The following KIR2DL4 variants were observed in gnomAD, a reference collection of about 807,000 sequenced individuals.
The protein encoded by KIR2DL4 is killer cell immunoglobulin like receptor, two Ig domains and long cytoplasmic tail 4.
KIR2DL4 carries 41 observed loss-of-function variants against 31.0 expected under a neutral mutation model. The observed-to-expected ratio is 1.32, with a 90% CI of 1.03 to 1.72. The LOEUF (loss-of-function observed/expected upper bound fraction) is 1.72. KIR2DL4 is among the 40% of genes most tolerant of loss of function. The pLI is 0.00. For synonymous variants in KIR2DL4, 164 were observed against 133.6 expected (o/e 1.23, Z -1.57); for missense variants, 438 against 353.7 (o/e 1.24, Z -1.91).
intron 5 of KIR2DL4, among the ~76,000 whole-genome samples, chr19:54,809,454 G>A (rs1393934505): frequency 6.6e-6 from 1 of 150,944 alleles, no homozygotes; most frequent in African/African-American, 2.5e-5. Context: ...CAAGCTTCGT[G>A]GATGGAAACC....
Position 54,810,308 on chromosome 19 carries a change from A to T in KIR2DL4, c.706+1425A>T, listed in dbSNP as rs1340699582. On this transcript the variant is annotated intron_variant, in intron 5 of 7. Transcript: ENST00000359085. Reference sequence around the variant, plus strand: ...TAATTTTTTTTTGGTATTTTTTTTTAGTACAGACAAGGTTTTACCATGTTG... The same window carrying T: ...TAATTTTTTTTTGGTATTTTTTTTTTGTACAGACAAGGTTTTACCATGTTG... Among the ~76,000 whole-genome samples, 37 of 145,502 alleles carry T rather than the reference A, an allele frequency of 2.5e-4. 1 individual carries two copies. Among genetic ancestry groups the T allele is most frequent in the African/African-American group, 8.8e-4 (35 of 39,704 alleles).
rs766098475 is a variant in KIR2DL4, at chr19:54,806,446, T to G, written c.655+202T>G. 2.4e-3 allele frequency among the ~76,000 whole-genome samples: 367 copies of G among 151,098 alleles called. 6 individuals are homozygous for G. The highest frequency in any genetic ancestry group is 3.8e-3 in the Non-Finnish European group (259 of 67,848). ...CTGCATGGAAGCTTGCAGTAAGGGC[T>G]CCGGGTACCCAGGCAGATGGAGAAA... is the stretch of plus-strand genomic sequence containing the variant. On this transcript the variant is annotated intron_variant, in intron 4 of 7. Transcript: ENST00000359085.
exon 4 of KIR2DL4, chr19:54,806,232 G>C: frequency 6.2e-7 from 1 of 1,610,064 alleles, no homozygotes; most frequent in East Asian, 2.2e-5. Flanking sequence ...CCCACTGCCT[G>C]TTTCTGTCAC....
chr19:54,812,304 A>G (rs1398963551), intron 5 of KIR2DL4, among the ~76,000 whole-genome samples: 2 of 151,312 alleles, frequency 1.3e-5, no homozygotes, highest in Admixed American at 6.6e-5. Context: ...AAAACTGCTC[A>G]GGACACATGG....
chr19:54,811,014 C>G (rs2060835804), intron 5 of KIR2DL4, among the ~76,000 whole-genome samples: 1 of 151,350 alleles, frequency 6.6e-6, no homozygotes, highest in Non-Finnish European at 1.5e-5. Flanking sequence ...TGATTTCTTT[C>G]TGAGATTTAT....
In KIR2DL4 at chr19:54,813,542, C is replaced by G; in HGVS notation, c.811-148C>G. 2 of 851,946 alleles carry G rather than the reference C, an allele frequency of 2.3e-6. 1 individual carries two copies. Among genetic ancestry groups the G allele is most frequent in the Non-Finnish European group, 3.8e-6 (2 of 531,702 alleles). 52.8% of individuals were successfully genotyped at this position (851,946 alleles called of 1,614,324 possible). On this transcript the variant is annotated intron_variant, in intron 6 of 7. Transcript: ENST00000359085. The stretch of plus-strand genomic sequence containing the variant: ...GCTATTCATGGAATGGGGTCTTGCA[C>G]TCAGAGAGATGGAATGTCTGAGTCT...
chr19:54,804,970 G>C, exon 3 of KIR2DL4: 1 of 1,612,114 alleles, frequency 6.2e-7, no homozygotes, highest in Non-Finnish European at 8.5e-7. Context: ...TTCCTCATTA[G>C]CCCTGTGACC....
intron 4 of KIR2DL4, among the ~76,000 whole-genome samples, chr19:54,806,507 TCA>T (rs1176689461): frequency 6.6e-5 from 10 of 151,220 alleles, no homozygotes; most frequent in Non-Finnish European, 1.0e-4. Flanking sequence ...GAGACTGGGC[TCA>T]GTTTGGGGAG....
At chr19:54,804,850 G>C in exon 3 of KIR2DL4, 1 of 1,612,336 alleles carries the variant, frequency 6.2e-7, no homozygotes. Flanking sequence ...CCTCAAGGAG[G>C]ACACGTGACT....
chr19:54,806,503 G>C (rs150813987), intron 4 of KIR2DL4, among the ~76,000 whole-genome samples: 1 of 150,742 alleles, frequency 6.6e-6, no homozygotes, highest in Admixed American at 6.6e-5. Context: ...GAGGGAGACT[G>C]GGCTCAGTTT....
At chr19:54,806,837 T>C (rs2147909734) in intron 4 of KIR2DL4, among the ~76,000 whole-genome samples, 1 of 149,744 alleles carries the variant, frequency 6.7e-6, no homozygotes, top group East Asian at 2.0e-4. Context: ...GGGGAACCAA[T>C]CTTTACTAAA....
intron 4 of KIR2DL4, among the ~76,000 whole-genome samples, chr19:54,807,683 C>T (rs2147918896): frequency 6.7e-6 from 1 of 149,542 alleles, no homozygotes; most frequent in South Asian, 2.2e-4. Flanking sequence ...AGTGATCTGC[C>T]CACTTCAGCC....
rs767023180 is a variant in KIR2DL4, at chr19:54,805,946, T to G, written c.362-5T>G. 1 of 1,600,184 alleles carries G rather than the reference T, an allele frequency of 6.2e-7. No individual in the cohort carries two copies. The highest frequency in any genetic ancestry group is 1.7e-5 in the Admixed American group (1 of 57,430). ...CCCTGAGGAAACTGCCTCTTCTCCT[T>G]CCAGGTCTATATGAGAAACCTTCGC... On this transcript the variant is annotated splice_region_variant and splice_polypyrimidine_tract_variant and intron_variant, in intron 3 of 7. Transcript: ENST00000359085.
chr19:54,809,157 T>G (rs1348013566), intron 5 of KIR2DL4, among the ~76,000 whole-genome samples: 1 of 151,114 alleles, frequency 6.6e-6, no homozygotes, highest in Non-Finnish European at 1.5e-5. Context: ...GTGTTTGTTC[T>G]GCCTGCATTC....
At chr19:54,806,308 G>A in intron 4 of KIR2DL4, 64 bp downstream of exon 4, 1 of 1,486,494 alleles carries the variant, frequency 6.7e-7, no homozygotes, top group Non-Finnish European at 9.2e-7. Context: ...GGAGCTTCCT[G>A]CTGATGATGG....
chr19:54,805,166 C>T (rs899562944), intron 3 of KIR2DL4, 89 bp downstream of exon 3: 7 of 1,290,542 alleles, frequency 5.4e-6, no homozygotes, highest in Non-Finnish European at 7.4e-6. Flanking sequence ...TCCGATCATC[C>T]AGGCCCCAAC....
intron 5 of KIR2DL4, 90 bp downstream of exon 5, chr19:54,808,973 C>G: frequency 9.7e-7 from 1 of 1,029,444 alleles, no homozygotes; most frequent in Non-Finnish European, 1.5e-6. Context: ...CCTGCCAGCT[C>G]TGTGATTGTG....
exon 3 of KIR2DL4, chr19:54,804,826 C>G (rs2060402013): frequency 1.2e-6 from 2 of 1,612,236 alleles, no homozygotes; most frequent in Admixed American, 3.3e-5. Context: ...TCTGCCTGGC[C>G]CAGCGCTGTG....
intron 5 of KIR2DL4, among the ~76,000 whole-genome samples, chr19:54,812,230 A>G (rs1173894389): frequency 6.6e-6 from 1 of 151,298 alleles, no homozygotes; most frequent in East Asian, 1.9e-4. Context: ...CATTACTTAT[A>G]GATAAGCAGC....
Sources: gnomAD v4.1 joint callset for allele counts (sites outside exome capture counted in the v4.1 genomes callset) on GRCh38, gnomAD v4.1.1 for gene constraint, MANE v1.5 for transcripts, NCBI Gene and HGNC (gene_info 2026-07-23, HGNC 2026-07-21) for gene names.